Variants in MUC4 observed in about 807,000 individuals in gnomAD.
MUC4 encodes the protein mucin 4, cell surface associated.
MUC4 carries 202 observed loss-of-function variants against 257.9 expected under a neutral mutation model. The observed-to-expected ratio is 0.78, with a 90% confidence interval of 0.70 to 0.88. The LOEUF is 0.88. Among genes scored for constraint, MUC4 ranks in the 40% least tolerant of loss-of-function variants. The pLI is 0.00. For synonymous variants in MUC4, 2,351 were observed against 2,757.1 expected, an observed-to-expected ratio of 0.85 and a Z score of 4.62; for missense variants, 5,976 against 6,513.7, an observed-to-expected ratio of 0.92 and a Z score of 2.84.
At chr3:195,749,329 G>GGTTCCTGT (rs1715876075) in intron 23 of MUC4, among the ~76,000 whole-genome samples, 4 of 96,010 alleles carry the variant, frequency 4.2e-5, no homozygotes, top group African/African-American at 1.8e-4. Context: ...AAGGTTCCTA[G>GGTTCCTGT]GGAAAAAGGT....
chr3:195,749,014 A>G lies in MUC4; in HGVS notation c.15922T>C (p.Tyr5308His). 6.2e-7 allele frequency: 1 copy of G among 1,609,274 alleles called. No individual in the cohort carries two copies. Among genetic ancestry groups the G allele is most frequent in the South Asian group, 1.1e-5 (1 of 89,968 alleles). The change falls in exon 24 of 25, where the codon TAC becomes CAC. Residue 5308 changes from tyrosine to histidine, a missense_variant. Tyr to His is a moderately conservative substitution (Grantham distance 83). Coordinates refer to ENST00000463781, the MANE Select transcript of MUC4 (RefSeq NM_018406.7). ...CTCTGGGGGCTGTAGACCAGGTCGTAGCCCTTGTAGCCATCGCATCTGAAG... is the reference window on the plus strand; with the variant it reads ...CTCTGGGGGCTGTAGACCAGGTCGTGGCCCTTGTAGCCATCGCATCTGAAG... ...AYFRCDGYKG[Y>H]DLVYSPQSGF... is the part of the protein sequence containing the mutation.
chr3:195,763,337 C>G (rs1024338707), intron 12 of MUC4, 96 bp downstream of exon 12: 39 of 1,247,540 alleles, frequency 3.1e-5, no homozygotes, highest in Non-Finnish European at 4.0e-5. Context: ...TGCCCGGCTT[C>G]CCCTCCTTCG....
chr3:195,749,020 T>A lies in MUC4; in HGVS notation c.15916A>T (p.Lys5306Ter). The change falls in exon 24 of 25, where the codon AAG (lysine) becomes TAG (stop). Residue 5306 changes from lysine to a stop codon, truncating the protein, a stop_gained. Transcript: ENST00000463781. LOFTEE classifies it high-confidence loss of function. ...GGGCTGTAGACCAGGTCGTAGCCCT[T>A]GTAGCCATCGCATCTGAAGTAAGCC... Reference protein sequence around the residue: ...LKAYFRCDGYKGYDLVYSPQS... With the variant: ...LKAYFRCDGY The A allele has an allele frequency of 6.2e-7, 1 of 1,609,350 alleles. No homozygotes were observed. Among genetic ancestry groups the A allele is most frequent in the Non-Finnish European group, 8.5e-7 (1 of 1,177,742 alleles).
intron 18 of MUC4, among the ~76,000 whole-genome samples, chr3:195,754,603 C>T (rs921024729): frequency 6.6e-6 from 1 of 152,242 alleles, no homozygotes; most frequent in Non-Finnish European, 1.5e-5. Context: ...TTTACCCTGA[C>T]CCCCTGCCTG....
chr3:195,788,584 G>A lies in MUC4; in HGVS notation c.2996C>T (p.Ser999Phe), dbSNP rs760586105. 6.4e-7 allele frequency: 1 copy of A among 1,569,376 alleles called. No individual in the cohort carries two copies. The highest frequency in any genetic ancestry group is 1.2e-5 in the South Asian group (1 of 85,514). The change falls in exon 2 of 25, where the codon TCC (serine) becomes TTC (phenylalanine). Residue 999 changes from serine (S) to phenylalanine (F), a missense_variant. Transcript: ENST00000463781. ...GGTGGCGTGACCTGTGGATACTGAG[G>A]AAGCATCGGTGACATGAAGAGGGGT... Reference protein sequence around the residue: ...HTTPLHVTDASSVSTGHATPL... With the variant: ...HTTPLHVTDAFSVSTGHATPL...
chr3:195,764,300 AGAGCTTGGCAGGGCAG>A lies in MUC4; in HGVS notation c.13925-152_13925-137del, dbSNP rs1719931668. ...TGGCAGGGCAGGGCGGTGTTGGTGG[AGAGCTTGGCAGGGCAG>A]GGCGGTGTTGGTGGAGAGCTTGGTA... On this transcript the variant is annotated intron_variant, in intron 10 of 24. Coordinates refer to ENST00000463781, the MANE Select transcript of MUC4 (RefSeq NM_018406.7). 6.3e-6 allele frequency: 6 copies of A among 959,410 alleles called. No individual in the cohort carries two copies. In the African/African-American group the frequency reaches 8.6e-5, roughly 14 times the overall value. 59.4% of individuals were successfully genotyped at this position (959,410 alleles called of 1,614,324 possible). A position where few individuals can be genotyped will look rare whatever the true frequency, so the allele number is the denominator to read the frequency against.
Position 195,790,688 on chromosome 3 carries a change from C to T in MUC4, c.892G>A (p.Val298Ile). 3.1e-6 allele frequency: 5 copies of T among 1,613,950 alleles called. No homozygotes were observed. The highest frequency in any genetic ancestry group is 4.2e-6 in the Non-Finnish European group (5 of 1,179,892). ...SLMPVTSAAL[V>I]TFDPEGQSPA... is the part of the protein sequence containing the mutation. ...GATTGTCCTTCTGGATCAAATGTTACTAAGGCTGCTGAGGTGACTGGCATA... is the reference window on the plus strand; with the variant it reads ...GATTGTCCTTCTGGATCAAATGTTATTAAGGCTGCTGAGGTGACTGGCATA... Residue 298 changes from valine (V) to isoleucine (I), a missense_variant, in exon 2 of 25, where the codon GTA becomes ATA. This residue lies in a region of MUC4 where 1,583 missense variants were observed against 1,257.4 expected (regional missense o/e 1.26). Transcript: ENST00000463781.
intron 18 of MUC4, among the ~76,000 whole-genome samples, chr3:195,756,079 G>A (rs1489982719): frequency 6.6e-6 from 1 of 152,236 alleles, no homozygotes; most frequent in South Asian, 2.1e-4. Context: ...TTAGCTGGAA[G>A]GAGATAGTAA....
intron 7 of MUC4, among the ~76,000 whole-genome samples, chr3:195,767,630 TCACCACCACCATCGC>T (rs1721293484): frequency 7.5e-5 from 2 of 26,718 alleles, no homozygotes; most frequent in Non-Finnish European, 8.5e-5. Flanking sequence ...ATCACCACCA[TCACCACCACCATCGC>T]CACCACCACC....
At chr3:195,747,759 G>A (rs1461806049) in intron 24 of MUC4, among the ~76,000 whole-genome samples, 2 of 152,282 alleles carry the variant, frequency 1.3e-5, no homozygotes, top group Non-Finnish European at 2.9e-5. Flanking sequence ...AGCTACTCAG[G>A]AGGCTGAGGC....
Position 195,753,174 on chromosome 3 carries a change from T to A in MUC4, c.15385A>T (p.Asn5129Tyr). Residue 5129 changes from asparagine (N) to tyrosine (Y), a missense_variant, in exon 20 of 25, where the codon AAT (asparagine) becomes TAT (tyrosine). Physicochemically the swap from Asn to Tyr is moderately radical, Grantham distance 143 (BLOSUM62 -2). Coordinates refer to ENST00000463781, the MANE Select transcript of MUC4 (RefSeq NM_018406.7). ...NQSCPVNYCY[N>Y]QGHCYISQTL... ...TGGGAGATGTAGCAGTGGCCTTGAT[T>A]GTAGCAGTAATTCACAGGGCAGGAC... 1 of 1,613,674 alleles carries A rather than the reference T, an allele frequency of 6.2e-7. No homozygotes were observed. The highest frequency in any genetic ancestry group is 1.1e-5 in the South Asian group (1 of 91,024).
intron 4 of MUC4, among the ~76,000 whole-genome samples, chr3:195,773,707 G>T (rs747569447): frequency 3.6e-4 from 32 of 87,764 alleles, no homozygotes; most frequent in South Asian, 1.8e-3. Context: ...ACACCCTCTC[G>T]CCATCGCTCA....
At position 195,749,059 on chromosome 3, in the gene MUC4, C is replaced by CG; in HGVS notation, c.15876dup (p.Val5293ArgfsTer34). 5.6e-6 allele frequency: 9 copies of CG among 1,606,836 alleles called. No homozygotes were observed. Among genetic ancestry groups the CG allele is most frequent in the Non-Finnish European group, 7.7e-6 (9 of 1,175,726 alleles). Reference sequence around the variant, plus strand: ...CTGAAGTAAGCCTTCAGCGTGCTCACGTTCACTGTCGGGAAGGACACAGAT... The same window carrying CG: ...CTGAAGTAAGCCTTCAGCGTGCTCACGGTTCACTGTCGGGAAGGACACAGAT... On this transcript the variant is annotated frameshift_variant, in exon 24 of 25. Transcript: ENST00000463781. LOFTEE classifies it high-confidence loss of function.
At chr3:195,773,648 ATCGC>A (rs1479810945) in intron 4 of MUC4, among the ~76,000 whole-genome samples, 2 of 98,512 alleles carry the variant, frequency 2.0e-5, no homozygotes, top group African/African-American at 3.2e-5. Flanking sequence ...CCCTCTCGCC[ATCGC>A]TCAGCAGGTG....
In MUC4 at chr3:195,791,022, G is replaced by A. The variant is rs1229116066; in HGVS notation, c.558C>T (p.Thr186=). 2.2e-5 allele frequency: 36 copies of A among 1,613,878 alleles called. No homozygotes were observed. The highest frequency in any genetic ancestry group is 3.1e-5 in the Non-Finnish European group (36 of 1,179,866). The change falls in exon 2 of 25, where the codon ACC becomes ACT. Residue 186 remains threonine, a synonymous_variant. Coordinates refer to ENST00000463781, the MANE Select transcript of MUC4 (RefSeq NM_018406.7). ...AAGAAGCTGATGTGTCTTGGATAGA[G>A]GTCCTCCAGGAAGTTGTTCGTGATT... The part of the protein sequence containing the change: ...EGQSRTTSWR[T]SIQDTSASSQ...
intron 1 of MUC4, among the ~76,000 whole-genome samples, chr3:195,807,350 C>G (rs111241276): frequency 2.0e-5 from 3 of 152,234 alleles, no homozygotes; most frequent in African/African-American, 7.2e-5. Flanking sequence ...CGTCTATAAT[C>G]CCAGCTACTC....
intron 1 of MUC4, among the ~76,000 whole-genome samples, chr3:195,805,760 G>T (rs1359370747): frequency 6.6e-6 from 1 of 151,658 alleles, no homozygotes; most frequent in Non-Finnish European, 1.5e-5. Context: ...GCTTCCCAGA[G>T]TGCTGGGATG....
In MUC4 at chr3:195,780,007, G is replaced by A. The variant is rs201335236; in HGVS notation, c.11573C>T (p.Pro3858Leu). The A allele has an allele frequency of 1.6e-3, 2,136 of 1,341,514 alleles. 247 individuals carry two copies. The highest frequency in any genetic ancestry group is 0.01 in the African/African-American group (398 of 39,398). The allele number at this position is 1,341,514 out of a possible 1,614,324, so 83.1% of individuals were successfully genotyped here. A position where few individuals can be genotyped will look rare whatever the true frequency, so the allele number is the denominator to read the frequency against. Residue 3858 changes from proline (P) to leucine (L), a missense_variant, in exon 2 of 25, where the codon CCT (proline) becomes CTT (leucine). Physicochemically the swap from Pro to Leu is moderately conservative, Grantham distance 98. Transcript: ENST00000463781. Reference sequence around the variant, plus strand: ...GGATGCTGAGGAAGGGCTAGTGACAGGAAGAGGCATGGTGTCACCTGTGGA... The same window carrying A: ...GGATGCTGAGGAAGGGCTAGTGACAAGAAGAGGCATGGTGTCACCTGTGGA... ...SVSTGDTMPL[P>L]VTSPSSASTG...
Position 195,789,560 on chromosome 3 carries a change from T to G in MUC4, c.2020A>C (p.Ser674Arg). ...ACAATTTCTGAGGGCGAGTGCCCAC[T>G]GGCTGTGAAGGAAGAACCTGGGGTG... is the stretch of plus-strand genomic sequence containing the variant. Reference protein sequence around the residue: ...VTTPGSSFTASGHSPSEIVPQ... With the variant: ...VTTPGSSFTARGHSPSEIVPQ... Residue 674 changes from serine to arginine, a missense_variant, in exon 2 of 25, where the codon AGT becomes CGT. Ser to Arg is a moderately radical substitution (Grantham distance 110). Coordinates refer to ENST00000463781, the MANE Select transcript of MUC4 (RefSeq NM_018406.7). 9.3e-6 allele frequency: 15 copies of G among 1,613,786 alleles called. No individual in the cohort carries two copies. Among genetic ancestry groups the G allele is most frequent in the Non-Finnish European group, 1.3e-5 (15 of 1,179,856 alleles).
Sources: gnomAD v4.1 joint callset for allele counts (sites outside exome capture counted in the v4.1 genomes callset) on GRCh38, gnomAD v4.1.1 for gene constraint, gnomAD v4.1.1 regional missense constraint, MANE v1.5 for transcripts, NCBI Gene and HGNC (gene_info 2026-07-23, HGNC 2026-07-21) for gene names.